Variants in GSTM2 observed in about 807,000 individuals in gnomAD.
GSTM2 encodes the protein glutathione S-transferase mu 2, also known as GST class-mu 2.
Under a neutral mutation model 33.3 loss-of-function variants are expected in GSTM2, and 33 were observed. The ratio of observed to expected loss-of-function variants is 0.99; its 90% CI spans 0.75 to 1.33. The LOEUF (loss-of-function observed/expected upper bound fraction) is 1.33, where lower values mean the gene tolerates loss of function less well. Ranked by LOEUF, GSTM2 falls within the 40% of genes most tolerant of loss-of-function variation. The pLI is 0.00. For synonymous variants in GSTM2, 93 were observed against 95.6 expected (o/e 0.97, Z 0.16); for missense variants, 213 against 265.8 (o/e 0.80, Z 1.38).
intron 5 of GSTM2, 57 bp downstream of exon 5, chr1:109,669,628 C>T: frequency 9.0e-7 from 1 of 1,111,002 alleles, no homozygotes; most frequent in Non-Finnish European, 1.3e-6. Flanking sequence ...TCTCCCCTTT[C>T]CCTGCAGAGT....
downstream of GSTM2, among the ~76,000 whole-genome samples, chr1:109,678,790 T>C (rs1315078097): frequency 6.6e-6 from 1 of 152,032 alleles, no homozygotes; most frequent in Non-Finnish European, 1.5e-5. Flanking sequence ...CTGTATATGT[T>C]GGCAGTCTAT....
At position 109,671,321 on chromosome 1, in the gene GSTM2, C is replaced by G. The variant is rs565704101; in HGVS notation, c.395C>G (p.Pro132Arg). 6.2e-7 allele frequency: 1 copy of G among 1,614,096 alleles called. No homozygotes were observed. Among genetic ancestry groups the G allele is most frequent in the South Asian group, 1.1e-5 (1 of 91,082 alleles). The stretch of plus-strand genomic sequence containing the variant: ...AAACCAGAATACCTGCAGGCACTCC[C>G]TGAAATGCTGAAGCTCTACTCACAG... ...KLKPEYLQAL[P>R]EMLKLYSQFL... Residue 132 changes from proline (P) to arginine (R), a missense_variant, in exon 6 of 8, where the codon CCT (proline) becomes CGT (arginine). Physicochemically the swap from Pro to Arg is moderately radical, Grantham distance 103 (BLOSUM62 -2). Transcript: ENST00000241337.
At chr1:109,668,387 C>T (rs921198037) in intron 1 of GSTM2, 38 bp from the exon 2 acceptor site, 1 of 1,605,554 alleles carries the variant, frequency 6.2e-7, no homozygotes, top group Admixed American at 1.7e-5. Context: ...GTCAGGGACC[C>T]TCCATCTCTG....
At chr1:109,672,729 T>C (rs1323018481) in intron 7 of GSTM2, among the ~76,000 whole-genome samples, 1 of 152,196 alleles carries the variant, frequency 6.6e-6, no homozygotes, top group Admixed American at 6.5e-5. Flanking sequence ...CCAGAAACTT[T>C]GTATGATTGA....
intron 7 of GSTM2, among the ~76,000 whole-genome samples, chr1:109,672,078 G>A (rs536746613): frequency 2.0e-5 from 3 of 150,190 alleles, no homozygotes; most frequent in South Asian, 2.1e-4. Flanking sequence ...TCGGGAGTTC[G>A]AGACCAGCCT....
intron 4 of GSTM2, 26 bp from the exon 5 acceptor site, chr1:109,669,443 TGA>T (rs1000933050): frequency 1.9e-6 from 3 of 1,613,214 alleles, no homozygotes; most frequent in Non-Finnish European, 2.5e-6. Context: ...GCTGTGAGGC[TGA>T]GAGTGAATCT....
chr1:109,669,386 T>C lies in GSTM2; in HGVS notation c.259+15T>C, dbSNP rs1647447493. On this transcript the variant is annotated intron_variant, in intron 4 of 7. Transcript: ENST00000241337. Reference sequence around the variant, plus strand: ...GCACAACCTGTGTGAGTAGATTTGGTTGCAAGATGCGGGGAGGGACCGTGG... The same window carrying C: ...GCACAACCTGTGTGAGTAGATTTGGCTGCAAGATGCGGGGAGGGACCGTGG... 6.2e-6 allele frequency: 10 copies of C among 1,614,212 alleles called. No individual in the cohort carries two copies. The highest frequency in any genetic ancestry group is 2.2e-5 in the South Asian group (2 of 91,084).
chr1:109,670,422 T>C (rs1391787931), intron 5 of GSTM2, among the ~76,000 whole-genome samples: 1 of 152,166 alleles, frequency 6.6e-6, no homozygotes, highest in East Asian at 1.9e-4. Flanking sequence ...GTTTGAACTC[T>C]TTAGTGCTAC....
downstream of GSTM2, among the ~76,000 whole-genome samples, chr1:109,676,670 G>A (rs1191484399): frequency 2.0e-5 from 3 of 152,064 alleles, no homozygotes; most frequent in African/African-American, 4.8e-5. Flanking sequence ...GCTTTTTTAC[G>A]CTTTTTCTGT....
At position 109,682,475 on chromosome 1, in the gene GSTM2, C is replaced by T. The variant is rs1400063415; in HGVS notation, c.567+10892C>T. On this transcript the variant is annotated intron_variant, in intron 7 of 7. Coordinates refer to the GSTM2 transcript ENST00000369831. The stretch of plus-strand genomic sequence containing the variant: ...CAGGATGGTCTTGATCTCCTGACCT[C>T]GTGATCCGCCCGCCTTGGCCTCCCA... Among the ~76,000 whole-genome samples the T allele has an allele frequency of 3.2e-5, 3 of 93,226 alleles. 1 individual carries two copies. The highest frequency in any genetic ancestry group is 8.3e-5 in the Non-Finnish European group (3 of 36,074). The allele number at this position is 93,226 out of a possible 152,430, so 61.2% of individuals were successfully genotyped here.
At chr1:109,679,907 C>G (rs1380368787), downstream of GSTM2, among the ~76,000 whole-genome samples, 2 of 152,148 alleles carry the variant, frequency 1.3e-5, no homozygotes, top group African/African-American at 4.8e-5. Context: ...ATCCACCAAA[C>G]TGTCAGGGCC....
chr1:109,674,549 T>C (rs1487693473), intron 7 of GSTM2, among the ~76,000 whole-genome samples, 198 bp from the exon 8 acceptor site: 3 of 152,198 alleles, frequency 2.0e-5, no homozygotes. Flanking sequence ...GTTACTGTGG[T>C]ACAACATTAC....
intron 5 of GSTM2, 34 bp downstream of exon 5, chr1:109,669,605 T>C: frequency 7.8e-7 from 1 of 1,287,816 alleles, no homozygotes; most frequent in Non-Finnish European, 1.1e-6. Context: ...AGTCTCCCCT[T>C]CCCTACTCCC....
chr1:109,677,945 T>C (rs1191397816), downstream of GSTM2, among the ~76,000 whole-genome samples: 1 of 152,222 alleles, frequency 6.6e-6, no homozygotes, highest in Non-Finnish European at 1.5e-5. Context: ...TGTTCACTGA[T>C]GTAACAGGTG....
rs562313739 is a variant in GSTM2 at position 109,668,953 on chromosome 1, G to C, written c.141G>C (p.Leu47=). 1 of 1,612,308 alleles carries C rather than the reference G, an allele frequency of 6.2e-7. No homozygotes were observed. The highest frequency in any genetic ancestry group is 1.7e-5 in the Admixed American group (1 of 60,004). ...CTGATTATGACAGAAGCCAGTGGCT[G>C]AATGAAAAATTCAAGCTGGGCCTGG... is the stretch of plus-strand genomic sequence containing the variant. ...DAPDYDRSQW[L]NEKFKLGLDF... Residue 47 remains leucine, a synonymous_variant, in exon 3 of 8, where the codon CTG becomes CTC. Coordinates refer to ENST00000241337, the MANE Select transcript of GSTM2 (RefSeq NM_000848.4).
At chr1:109,679,095 T>C (rs990315211), downstream of GSTM2, among the ~76,000 whole-genome samples, 1 of 152,104 alleles carries the variant, frequency 6.6e-6, no homozygotes, top group African/African-American at 2.4e-5. Context: ...ACCAGCAAGG[T>C]ACACGGATCA....
In GSTM2 at chr1:109,674,639, A is replaced by T. The variant is rs921373292; in HGVS notation, c.568-108A>T. 8 of 1,394,142 alleles carry T rather than the reference A, an allele frequency of 5.7e-6. No homozygotes were observed. The Middle Eastern group carries it at 5.3e-4, about 93-fold the overall frequency. 86.4% of individuals were successfully genotyped at this position (1,394,142 alleles called of 1,614,324 possible). A position where few individuals can be genotyped will look rare whatever the true frequency, so the allele number is the denominator to read the frequency against. ...GTGATGCCTCAGCACTTGAGCCCAC[A>T]TGGAAAGGCTGTGGCCAGGGCCCTG... is the stretch of plus-strand genomic sequence containing the variant. On this transcript the variant is annotated intron_variant, in intron 7 of 7. Transcript: ENST00000241337.
At chr1:109,669,058 A>G in intron 3 of GSTM2, 69 bp downstream of exon 3, 2 of 1,532,750 alleles carry the variant, frequency 1.3e-6, no homozygotes, top group Non-Finnish European at 1.8e-6. Context: ...TCCTCTCCCC[A>G]GCTTAGAGGT....
Position 109,671,575 on chromosome 1 carries a change from C to T in GSTM2, c.559C>T (p.Arg187Ter), listed in dbSNP as rs755839132. 96 of 1,563,292 alleles carry T rather than the reference C, an allele frequency of 6.1e-5. No homozygotes were observed. Among genetic ancestry groups the T allele is most frequent in the Non-Finnish European group, 7.2e-5 (82 of 1,133,636 alleles). ...CCCAAACCTGAAGGACTTCATCTCCCGATTTGAGGTGATGCCCCCAGCCTC... is the reference window on the plus strand; with the variant it reads ...CCCAAACCTGAAGGACTTCATCTCCTGATTTGAGGTGATGCCCCCAGCCTC... The part of the protein sequence containing the change: ...AFPNLKDFIS[R>*]FEGLEKISAY... The change falls in exon 7 of 8, where the codon CGA (arginine) becomes TGA (stop). Residue 187 changes from arginine (R) to a stop codon, truncating the protein, a stop_gained. Transcript: ENST00000241337. LOFTEE classifies it high-confidence loss of function.
Sources: gnomAD v4.1 joint callset for allele counts (sites outside exome capture counted in the v4.1 genomes callset) on GRCh38, gnomAD v4.1.1 for gene constraint, MANE v1.5 for transcripts, NCBI Gene and HGNC (gene_info 2026-07-23, HGNC 2026-07-21) for gene names.